The following MUC5B variants were observed in gnomAD, a reference collection of about 807,000 sequenced individuals.
The protein encoded by MUC5B is mucin 5B, oligomeric mucus/gel-forming, also known as mucin-5B.
A neutral mutation model predicts 376.9 loss-of-function variants in MUC5B; 116 were observed. That is an observed-to-expected ratio of 0.31 (90% CI 0.26 to 0.36). The LOEUF is 0.36. Among genes scored for constraint, MUC5B ranks in the 10% least tolerant of loss-of-function variants. The pLI is 1.00. For missense variants in MUC5B, 7,165 were observed against 7,769.9 expected (o/e 0.92, Z 2.93); for synonymous variants, 3,517 against 3,390.9 (o/e 1.04, Z -1.29).
chr11:1,234,599 T>G lies in MUC5B; in HGVS notation c.2549T>G (p.Ile850Ser). ...GLVSDGSGGC[I>S]AEEDCPCVHN... is the part of the protein sequence containing the mutation. ...GTGTCGGATGGGAGTGGGGGCTGCATTGCCGAGGAGGACTGCCCCTGTGTG... is the reference window on the plus strand; with the variant it reads ...GTGTCGGATGGGAGTGGGGGCTGCAGTGCCGAGGAGGACTGCCCCTGTGTG... The change falls in exon 21 of 49, where the codon ATT becomes AGT. Residue 850 changes from isoleucine to serine, a missense_variant. Physicochemically the swap from Ile to Ser is moderately radical, Grantham distance 142. This residue lies in a region of MUC5B where 530 missense variants were observed against 604.0 expected (regional missense o/e 0.88). Transcript: ENST00000529681. This position sits in a 1 kb window ranked among gnomAD's most constrained non-coding sequence, Gnocchi z 6.3. The G allele has an allele frequency of 6.4e-7, 1 of 1,570,914 alleles. No individual in the cohort carries two copies. The highest frequency in any genetic ancestry group is 8.6e-7 in the Non-Finnish European group (1 of 1,159,002).
chr11:1,254,266 G>T lies in MUC5B; in HGVS notation c.15392G>T (p.Arg5131Leu). 1 of 1,611,820 alleles carries T rather than the reference G, an allele frequency of 6.2e-7. No homozygotes were observed. The highest frequency in any genetic ancestry group is 1.6e-4 in the Middle Eastern group (1 of 6,062). The change falls in exon 34 of 49, where the codon CGC becomes CTC. Residue 5131 changes from arginine (R) to leucine (L), a missense_variant. Transcript: ENST00000529681. Reference protein sequence around the residue: ...CTASATAAAARCPRALSIHYK... With the variant: ...CTASATAAAALCPRALSIHYK... ...GCCTCTGCCACTGCCGCTGCCGCCC[G>T]CTGCCCCCGCGCCCTCAGCATCCAC...
Position 1,254,849 on chromosome 11 carries a change from C to T in MUC5B, c.15633C>T (p.Ser5211=), listed in dbSNP as rs759034963. The T allele has an allele frequency of 6.8e-6, 11 of 1,612,176 alleles. No individual in the cohort carries two copies. Among genetic ancestry groups the T allele is most frequent in the South Asian group, 6.6e-5 (6 of 91,088 alleles). The change falls in exon 35 of 49, where the codon AGC becomes AGT. Residue 5211 remains serine (S), a synonymous_variant. Coordinates refer to ENST00000529681, the MANE Select transcript of MUC5B (RefSeq NM_002458.3). ...TCTTCCAGGCCCGGCTGCCCTACAG[C>T]CTCTTCCACAACAACACCGAGGGCC... ...GQVFQARLPY[S]LFHNNTEGQC...
rs2075853 is a variant in MUC5B at position 1,226,228 on chromosome 11, C to A, written c.151C>A (p.Arg51=). 1 of 1,554,980 alleles carries A rather than the reference C, an allele frequency of 6.4e-7. No homozygotes were observed. Among genetic ancestry groups the A allele is most frequent in the Non-Finnish European group, 8.7e-7 (1 of 1,151,186 alleles). The part of the protein sequence containing the change: ...DGGAPTSSPT[R]RVSFVPPVTV... ...AGGTGCCCCGACGTCCTCGCCCACC[C>A]GGCGCGTGAGCTTTGTTCCACCCGT... The change falls in exon 3 of 49, where the codon CGG becomes AGG. Residue 51 remains arginine, a synonymous_variant. Transcript: ENST00000529681.
In MUC5B at chr11:1,243,065, C is replaced by A; in HGVS notation, c.6185C>A (p.Thr2062Asn). The change falls in exon 31 of 49, where the codon ACC becomes AAC. Residue 2062 changes from threonine (T) to asparagine (N), a missense_variant. Transcript: ENST00000529681. The part of the protein sequence containing the change: ...PTTTTTGFTA[T>N]PSSSPGTALT... ...ACCACAACCACGGGCTTCACAGCCA[C>A]CCCCTCCTCCAGCCCAGGGACGGCA... The A allele has an allele frequency of 1.9e-6, 3 of 1,612,144 alleles. No homozygotes were observed. The highest frequency in any genetic ancestry group is 2.5e-6 in the Non-Finnish European group (3 of 1,178,950).
rs1564954216 is a variant in MUC5B at position 1,258,924 on chromosome 11, C to T, written c.16594-18C>T. 1 of 1,550,158 alleles carries T rather than the reference C, an allele frequency of 6.5e-7. No individual in the cohort carries two copies. The highest frequency in any genetic ancestry group is 1.2e-5 in the South Asian group (1 of 84,064). On this transcript the variant is annotated intron_variant, in intron 43 of 48. Coordinates refer to ENST00000529681, the MANE Select transcript of MUC5B (RefSeq NM_002458.3). The surrounding 1 kb of genome is among the most constrained non-coding windows in gnomAD (Gnocchi z 5.5). ...TGCCCCACCAGTGCCCTCAGTGCCA[C>T]CCTCCCACCCCTTGCAGGTTGGTGC... is the stretch of plus-strand genomic sequence containing the variant.
In MUC5B at chr11:1,231,426, A is replaced by G. The variant is rs1267372253; in HGVS notation, c.1544A>G (p.Asn515Ser). ...IYTQLPLSAA[N>S]ITLFTPSSFF... ...CTCTCCCCCACACTCCCGGCAGCCA[A>G]CATCACCCTGTTCACACCCTCGAGC... The change falls in exon 14 of 49, where the codon AAC becomes AGC. Residue 515 changes from asparagine to serine, a missense_variant. Asn to Ser is a conservative substitution (Grantham distance 46). Around this residue, in one of 31 missense-constraint regions of MUC5B, gnomAD observed 640 missense variants for 733.0 expected, o/e 0.87. Transcript: ENST00000529681. 3.1e-6 allele frequency: 5 copies of G among 1,609,656 alleles called. No homozygotes were observed. In the African/African-American group the frequency reaches 4.0e-5, roughly 13 times the overall value.
intron 26 of MUC5B, 76 bp from the exon 27 acceptor site, chr11:1,239,362 C>T (rs953368082): frequency 4.0e-6 from 6 of 1,514,436 alleles, no homozygotes; most frequent in South Asian, 3.9e-5. Flanking sequence ...CCCCCACGCC[C>T]GGGGTAGGGG....
In MUC5B at chr11:1,246,235, A is replaced by G. The variant is rs756267644; in HGVS notation, c.9355A>G (p.Thr3119Ala). 1.7e-5 allele frequency: 28 copies of G among 1,611,860 alleles called. No homozygotes were observed. The highest frequency in any genetic ancestry group is 2.2e-5 in the Non-Finnish European group (26 of 1,179,286). ...LTTKATTTRA[T>A]SSMSTPSSTP... Reference sequence around the variant, plus strand: ...CACGAAGGCCACCACGACAAGGGCCACCAGTTCCATGTCCACCCCCTCCTC... The same window carrying G: ...CACGAAGGCCACCACGACAAGGGCCGCCAGTTCCATGTCCACCCCCTCCTC... Residue 3119 changes from threonine to alanine, a missense_variant, in exon 31 of 49, where the codon ACC (threonine) becomes GCC (alanine). By Grantham distance (58) the Thr-to-Ala change is moderately conservative. Transcript: ENST00000529681.
chr11:1,256,318 G>A, intron 38 of MUC5B, 93 bp downstream of exon 38: 2 of 682,776 alleles, frequency 2.9e-6, no homozygotes, highest in Non-Finnish European at 2.7e-6. Context: ...GTCCCACTGT[G>A]GGCCACAGAT....
chr11:1,232,339 A>G, intron 15 of MUC5B, 111 bp from the exon 16 acceptor site: 1 of 1,377,998 alleles, frequency 7.3e-7, no homozygotes, highest in Non-Finnish European at 9.9e-7. Context: ...GCAGCAGGTG[A>G]GCCGCAAATT....
chr11:1,252,856 G>A lies in MUC5B; in HGVS notation c.15093G>A (p.Val5031=). Residue 5031 remains valine, a synonymous_variant, in exon 33 of 49, where the codon GTG becomes GTA. Transcript: ENST00000529681. Reference sequence around the variant, plus strand: ...AGAACTGCACGGTGGCCAGGTGCGTGGGTGACAACCGTGTCGTCCTGCTGG... The same window carrying A: ...AGAACTGCACGGTGGCCAGGTGCGTAGGTGACAACCGTGTCGTCCTGCTGG... ...TLENCTVARC[V]GDNRVVLLDP... 1 of 1,612,324 alleles carries A rather than the reference G, an allele frequency of 6.2e-7. No homozygotes were observed. Among genetic ancestry groups the A allele is most frequent in the Non-Finnish European group, 8.5e-7 (1 of 1,179,740 alleles).
At chr11:1,231,348 G>A (rs1279540164) in intron 13 of MUC5B, 75 bp from the exon 14 acceptor site, 1 of 1,503,372 alleles carries the variant, frequency 6.7e-7, no homozygotes, top group Non-Finnish European at 8.9e-7. Flanking sequence ...CCGGCCCACT[G>A]GATGCCCTGC....
intron 47 of MUC5B, 29 bp downstream of exon 47, chr11:1,260,422 C>A: frequency 2.5e-6 from 4 of 1,611,394 alleles, no homozygotes; most frequent in Non-Finnish European, 3.4e-6. Flanking sequence ...CCCACACCAG[C>A]CCTCCAGCTC....
intron 27 of MUC5B, 52 bp from the exon 28 acceptor site, chr11:1,239,747 T>C: frequency 6.4e-7 from 1 of 1,563,546 alleles, no homozygotes. Context: ...AGCCCCTGGC[T>C]GGAGAGACTA....
Position 1,250,111 on chromosome 11 carries a change from C to T in MUC5B, c.13231C>T (p.Pro4411Ser). 6.3e-7 allele frequency: 1 copy of T among 1,594,382 alleles called. No homozygotes were observed. Among genetic ancestry groups the T allele is most frequent in the Non-Finnish European group, 8.6e-7 (1 of 1,168,970 alleles). ...TTAATGPTATPSSTPGTTWIL... is the reference protein window; with the variant it reads ...TTAATGPTATSSSTPGTTWIL... Reference sequence around the variant, plus strand: ...TGCAGCCACTGGCCCCACGGCCACCCCGTCCTCCACCCCAGGGACCACCTG... The same window carrying T: ...TGCAGCCACTGGCCCCACGGCCACCTCGTCCTCCACCCCAGGGACCACCTG... Residue 4411 changes from proline to serine, a missense_variant, in exon 31 of 49, where the codon CCG (proline) becomes TCG (serine). Physicochemically the swap from Pro to Ser is moderately conservative, Grantham distance 74. Transcript: ENST00000529681.
Position 1,261,624 on chromosome 11 carries a change from A to C in MUC5B, c.*16A>C, listed in dbSNP as rs1564955639. On this transcript the variant is annotated 3_prime_UTR_variant, in exon 49 of 49. Coordinates refer to ENST00000529681, the MANE Select transcript of MUC5B (RefSeq NM_002458.3). The stretch of plus-strand genomic sequence containing the variant: ...TGCTGTCTGAGAACGTTCTGCCTCC[A>C]TCCCCATGCTCTGTCCACCTGGAGC... The C allele has an allele frequency of 6.3e-7, 1 of 1,588,500 alleles. No homozygotes were observed. Among genetic ancestry groups the C allele is most frequent in the East Asian group, 2.3e-5 (1 of 43,754 alleles).
At position 1,226,843 on chromosome 11, in the gene MUC5B, C is replaced by G. The variant is rs749198134; in HGVS notation, c.428C>G (p.Ala143Gly). 4 of 1,608,732 alleles carry G rather than the reference C, an allele frequency of 2.5e-6. No homozygotes were observed. The Admixed American group carries it at 5.0e-5, about 20-fold the overall frequency. Residue 143 changes from alanine (A) to glycine (G), a missense_variant, in exon 4 of 49, where the codon GCG becomes GGG. Ala to Gly is a moderately conservative substitution (Grantham distance 60, BLOSUM62 0). Transcript: ENST00000529681. ...AAGGCCCAGGGGCTGGTGCTGGAGG[C>G]GTCCAACGGCTCCGTCCTCATCAAT... is the stretch of plus-strand genomic sequence containing the variant. ...VIKAQGLVLE[A>G]SNGSVLINGQ...
At position 1,247,497 on chromosome 11, in the gene MUC5B, C is replaced by A; in HGVS notation, c.10617C>A (p.Thr3539=). 1.2e-6 allele frequency: 2 copies of A among 1,608,380 alleles called. No homozygotes were observed. The highest frequency in any genetic ancestry group is 1.1e-5 in the South Asian group (1 of 90,902). ...GCCACACCAGGGGCACCTCCAGGAC[C>A]ACAGCCACAGCCACACCCAGCAAGA... ...TPGHTRGTSR[T]TATATPSKTR... The change falls in exon 31 of 49, where the codon ACC becomes ACA. Residue 3539 remains threonine, a synonymous_variant. Transcript: ENST00000529681.
intron 24 of MUC5B, 115 bp from the exon 25 acceptor site, chr11:1,236,810 G>A (rs891004821): frequency 1.2e-5 from 16 of 1,309,056 alleles, no homozygotes; most frequent in African/African-American, 7.5e-5. Context: ...CTGGGGAACC[G>A]GCTGCCCTCC....
Sources: gnomAD v4.1 joint callset for allele counts on GRCh38, gnomAD v4.1.1 for gene constraint, gnomAD v4.1.1 regional missense constraint, Gnocchi (gnomAD v3.1) non-coding constraint, MANE v1.5 for transcripts, NCBI Gene and HGNC (gene_info 2026-07-23, HGNC 2026-07-21) for gene names.